Variants in PLD5 observed in about 807,000 individuals in gnomAD.
The protein encoded by PLD5 is phospholipase D family member 5, also known as inactive phospholipase D5.
A neutral mutation model predicts 61.1 loss-of-function variants in PLD5; 36 were observed. The observed-to-expected ratio is 0.59, with a 90% CI of 0.45 to 0.78. The LOEUF is 0.78. Ranked by LOEUF, PLD5 falls within the 30% of genes least tolerant of loss-of-function variation. The pLI, the probability that PLD5 is intolerant of heterozygous loss-of-function variation, is 0.00. For synonymous variants in PLD5, 243 were observed against 242.8 expected (o/e 1.00, Z -0.01); for missense variants, 515 against 644.4 (o/e 0.80, Z 2.17).
chr1:242,337,936 T>A (rs1236168111), intron 2 of PLD5, among the ~76,000 whole-genome samples: 1 of 152,160 alleles, frequency 6.6e-6, no homozygotes, highest in Admixed American at 6.5e-5. Context: ...TTGCAGAATC[T>A]TTTATTGCTT....
chr1:242,257,192 A>T (rs1033370446), intron 4 of PLD5, among the ~76,000 whole-genome samples: 3 of 152,294 alleles, frequency 2.0e-5, no homozygotes, highest in Admixed American at 1.3e-4. Flanking sequence ...AGGAAAGAAA[A>T]TTCTTGACAC....
intron 1 of PLD5, among the ~76,000 whole-genome samples, chr1:242,451,129 A>G (rs1666760717): frequency 6.6e-6 from 1 of 152,126 alleles, no homozygotes; most frequent in African/African-American, 2.4e-5. Context: ...TGTGACCAGG[A>G]AAAAAAGCAT....
chr1:242,226,031 G>A (rs1048833272), intron 4 of PLD5, among the ~76,000 whole-genome samples: 3 of 152,132 alleles, frequency 2.0e-5, no homozygotes, highest in African/African-American at 7.2e-5. Context: ...CTGTATCCTT[G>A]CCAGAACCTG....
At chr1:242,244,496 A>G (rs1290652299) in intron 4 of PLD5, among the ~76,000 whole-genome samples, 2 of 152,240 alleles carry the variant, frequency 1.3e-5, no homozygotes, top group Non-Finnish European at 2.9e-5. Flanking sequence ...AGAAAAACAG[A>G]TTCACATTCA....
rs1429954581 is a variant in PLD5, at chr1:242,264,347, T to A, written c.607+990A>T. Among the ~76,000 whole-genome samples, 3 of 152,208 alleles carry A rather than the reference T, an allele frequency of 2.0e-5. No homozygotes were observed. The South Asian group carries it at 6.2e-4, about 31-fold the overall frequency. ...TTTATTTTCCTGTGCATAGAAAACA[T>A]GTGCATGGTGGTAGGTACATGTGCA... On this transcript the variant is annotated intron_variant, in intron 4 of 9. Transcript: ENST00000536534.
At chr1:242,316,384 G>C (rs1318886647) in intron 2 of PLD5, among the ~76,000 whole-genome samples, 1 of 152,042 alleles carries the variant, frequency 6.6e-6, no homozygotes, top group Non-Finnish European at 1.5e-5. Flanking sequence ...CCTGGCAGAG[G>C]GCCCTCCACT....
At chr1:242,179,587 T>C (rs960438823) in intron 5 of PLD5, among the ~76,000 whole-genome samples, 2 of 152,122 alleles carry the variant, frequency 1.3e-5, no homozygotes, top group Non-Finnish European at 2.9e-5. Context: ...CCAGAGATCA[T>C]TGTAGGTAGT....
intron 1 of PLD5, among the ~76,000 whole-genome samples, chr1:242,496,987 G>C (rs1668391941): frequency 1.3e-5 from 2 of 152,308 alleles, no homozygotes; most frequent in East Asian, 1.9e-4. Context: ...AAGTGGGCTG[G>C]ACTCTGTGGA....
At chr1:242,395,063 A>ATATATGAATATATATG (rs879741179) in intron 1 of PLD5, among the ~76,000 whole-genome samples, 2,010 of 47,528 alleles carry the variant, frequency 0.042, 116 homozygotes, top group African/African-American at 0.089. Context: ...ATATATATGT[A>ATATATGAATATATATG]TATATATGAA....
intron 2 of PLD5, among the ~76,000 whole-genome samples, chr1:242,305,637 G>A (rs1676305326): frequency 6.6e-6 from 1 of 151,964 alleles, no homozygotes; most frequent in Non-Finnish European, 1.5e-5. Flanking sequence ...ATGGCTCACT[G>A]CAACCTCCAT....
intron 4 of PLD5, among the ~76,000 whole-genome samples, chr1:242,247,237 C>A (rs962080398): frequency 1.3e-5 from 2 of 152,230 alleles, no homozygotes; most frequent in Non-Finnish European, 2.9e-5. Flanking sequence ...CCGCCTCGGC[C>A]TCCCAGAGTG....
Position 242,086,103 on chromosome 1 carries a change from A to C in PLD5, c.*3751T>G, listed in dbSNP as rs536446368. The C allele has an allele frequency of 2.6e-5, 4 of 152,274 alleles. No homozygotes were observed. The highest frequency in any genetic ancestry group is 9.6e-5 in the African/African-American group (4 of 41,544). 9.4% of individuals were successfully genotyped at this position (152,274 alleles called of 1,614,324 possible). On this transcript the variant is annotated 3_prime_UTR_variant, in exon 10 of 10. Coordinates refer to ENST00000536534, the MANE Select transcript of PLD5 (RefSeq NM_001372062.1). Reference sequence around the variant, plus strand: ...TCGAGGCACTTAAACCATTAACTGCATTTCAAAAAAAATCCCCCACATTTT... The same window carrying C: ...TCGAGGCACTTAAACCATTAACTGCCTTTCAAAAAAAATCCCCCACATTTT...
chr1:242,394,233 T>C (rs1174060640), intron 1 of PLD5, among the ~76,000 whole-genome samples: 1 of 85,424 alleles, frequency 1.2e-5, no homozygotes, highest in African/African-American at 5.0e-5. Flanking sequence ...TGTGTATATA[T>C]ATGAGTATAT....
intron 2 of PLD5, among the ~76,000 whole-genome samples, chr1:242,319,735 G>A (rs1192509114): frequency 6.6e-6 from 1 of 152,142 alleles, no homozygotes; most frequent in Admixed American, 6.5e-5. Flanking sequence ...ACTCACCCGA[G>A]ACAAATGCCT....
Position 242,107,785 on chromosome 1 carries a change from G to C in PLD5, c.1125C>G (p.Ser375Arg). The change falls in exon 8 of 10, where the codon AGC (serine) becomes AGG (arginine). Residue 375 changes from serine to arginine, a missense_variant. Physicochemically the swap from Ser to Arg is moderately radical, Grantham distance 110. Around this residue, in one of 2 missense-constraint regions of PLD5, gnomAD observed 450 missense variants for 598.1 expected, o/e 0.75. Coordinates refer to ENST00000536534, the MANE Select transcript of PLD5 (RefSeq NM_001372062.1). ...AGCTTAAAAGGAGTCGAACTCTAAC[G>C]CTTCGTAAAACTAATGCTTCTCTTA... ...AKIREALVLR[S>R]VRVRLLLSFW... is the part of the protein sequence containing the mutation. 6.2e-7 allele frequency: 1 copy of C among 1,612,132 alleles called. No individual in the cohort carries two copies. The highest frequency in any genetic ancestry group is 1.1e-5 in the South Asian group (1 of 90,456).
intron 5 of PLD5, among the ~76,000 whole-genome samples, chr1:242,217,540 C>G (rs1229903063): frequency 6.6e-6 from 1 of 151,340 alleles, no homozygotes; most frequent in African/African-American, 2.5e-5. Flanking sequence ...AGGAGAATCA[C>G]TTGAACCTGG....
chr1:242,094,904 T>A (rs1333976574), intron 9 of PLD5, among the ~76,000 whole-genome samples: 1 of 152,068 alleles, frequency 6.6e-6, no homozygotes, highest in Non-Finnish European at 1.5e-5. Flanking sequence ...CAAATATAGG[T>A]TTGTCTCACT....
Position 242,281,934 on chromosome 1 carries a change from A to C in PLD5, c.495+6428T>G, listed in dbSNP as rs527854532. 1.1e-4 allele frequency among the ~76,000 whole-genome samples: 17 copies of C among 152,294 alleles called. No homozygotes were observed. In the Middle Eastern group the frequency reaches 0.01, roughly 91 times the overall value. ...GAAAGTAAGAATTCCACATACAATGATAATTTGCCTAATACTTCTTATCTA... is the reference window on the plus strand; with the variant it reads ...GAAAGTAAGAATTCCACATACAATGCTAATTTGCCTAATACTTCTTATCTA... On this transcript the variant is annotated intron_variant, in intron 3 of 9. Coordinates refer to ENST00000536534, the MANE Select transcript of PLD5 (RefSeq NM_001372062.1).
chr1:242,426,558 G>A (rs752223848), intron 1 of PLD5, among the ~76,000 whole-genome samples: 3 of 152,246 alleles, frequency 2.0e-5, no homozygotes, highest in South Asian at 2.1e-4. Context: ...ATCACTAGGC[G>A]ATTAGAGTTT....
Sources: gnomAD v4.1 joint callset for allele counts (sites outside exome capture counted in the v4.1 genomes callset) on GRCh38, gnomAD v4.1.1 for gene constraint, gnomAD v4.1.1 regional missense constraint, MANE v1.5 for transcripts, NCBI Gene and HGNC (gene_info 2026-07-23, HGNC 2026-07-21) for gene names.